The following ANKRD33B variants were observed in gnomAD, a reference collection of about 807,000 sequenced individuals.
The protein encoded by ANKRD33B is ankyrin repeat domain 33B, also known as ankyrin repeat domain-containing protein 33B.
Under a neutral mutation model 21.5 loss-of-function variants are expected in ANKRD33B, and 6 were observed. The ratio of observed to expected loss-of-function variants is 0.28; its 90% CI spans 0.15 to 0.55. The LOEUF (loss-of-function observed/expected upper bound fraction) is 0.55. Among genes scored for constraint, ANKRD33B ranks in the 20% least tolerant of loss-of-function variants. The probability of loss-of-function intolerance (pLI) is 0.94; values close to 1 mark genes in which losing one functional copy is unlikely to be tolerated. For synonymous variants in ANKRD33B, 347 were observed against 342.4 expected, an observed-to-expected ratio of 1.01 and a Z score of -0.15; for missense variants, 698 against 747.2, an observed-to-expected ratio of 0.93 and a Z score of 0.77.
chr5:10,603,243 C>T (rs1735970284), intron 1 of ANKRD33B, among the ~76,000 whole-genome samples: 1 of 151,924 alleles, frequency 6.6e-6, no homozygotes, highest in Admixed American at 6.6e-5. Flanking sequence ...GAAGCTTCAT[C>T]AGAATTTTTT....
intron 1 of ANKRD33B, among the ~76,000 whole-genome samples, chr5:10,587,882 G>A (rs1735602090): frequency 1.3e-5 from 2 of 152,134 alleles, no homozygotes; most frequent in Non-Finnish European, 1.5e-5. Context: ...GAAATTTTTT[G>A]TGATATAAAT....
chr5:10,622,511 T>C (rs888977709), intron 2 of ANKRD33B, among the ~76,000 whole-genome samples: 1 of 152,244 alleles, frequency 6.6e-6, no homozygotes, highest in Non-Finnish European at 1.5e-5. Flanking sequence ...ATGCAGTCTC[T>C]CCAGATTTCA....
intron 3 of ANKRD33B, among the ~76,000 whole-genome samples, chr5:10,640,983 C>G (rs559988534): frequency 9.2e-5 from 14 of 152,294 alleles, no homozygotes; most frequent in East Asian, 5.8e-4. Context: ...CTAATCACCC[C>G]CTAAAGGCCT....
At chr5:10,636,025 C>T (rs1736852754) in intron 2 of ANKRD33B, among the ~76,000 whole-genome samples, 1 of 152,210 alleles carries the variant, frequency 6.6e-6, no homozygotes, top group Non-Finnish European at 1.5e-5. Context: ...CTCATGCCTG[C>T]CCGACCCCAG....
At chr5:10,621,520 C>A (rs754360737) in intron 2 of ANKRD33B, among the ~76,000 whole-genome samples, 1 of 152,134 alleles carries the variant, frequency 6.6e-6, no homozygotes, top group Non-Finnish European at 1.5e-5. Context: ...TCCTGTCCTA[C>A]GACAAATGTG....
rs142859812 is a variant in ANKRD33B at position 10,575,844 on chromosome 5, G to A, written c.366+11011G>A. On this transcript the variant is annotated intron_variant, in intron 1 of 3. Coordinates refer to ENST00000296657, the MANE Select transcript of ANKRD33B (RefSeq NM_001164440.2). ...GAACTGATCAGAGGCTGCTGGGGCC[G>A]AGCGTGGGGAGGGGAGAAGTGTTAC... is the stretch of plus-strand genomic sequence containing the variant. Among the ~76,000 whole-genome samples, 72 of 152,286 alleles carry A rather than the reference G, an allele frequency of 4.7e-4. 1 individual carries two copies. In the South Asian group the frequency reaches 5.8e-3, roughly 12 times the overall value.
rs1171273635 is a variant in ANKRD33B at position 10,564,847 on chromosome 5, C to G, written c.366+14C>G. On this transcript the variant is annotated intron_variant, in intron 1 of 3. Coordinates refer to ENST00000296657, the MANE Select transcript of ANKRD33B (RefSeq NM_001164440.2). ...CGCAACGGCAGGGTAAGCGGGCGTC[C>G]CCGCAGGATTTGAGCCCCCTCACTG... 1 of 1,484,436 alleles carries G rather than the reference C, an allele frequency of 6.7e-7. No individual in the cohort carries two copies. Among genetic ancestry groups the G allele is most frequent in the African/African-American group, 1.4e-5 (1 of 71,902 alleles). The allele number at this position is 1,484,436 out of a possible 1,614,324, so 92.0% of individuals were successfully genotyped here.
chr5:10,640,931 A>G (rs895348208), intron 3 of ANKRD33B, among the ~76,000 whole-genome samples: 1 of 152,216 alleles, frequency 6.6e-6, no homozygotes, highest in Non-Finnish European at 1.5e-5. Flanking sequence ...ACCCTCTTTC[A>G]TAAGGCACTA....
chr5:10,627,318 C>T (rs1736575210), intron 2 of ANKRD33B: 1 of 152,218 alleles, frequency 6.6e-6, no homozygotes, highest in Admixed American at 6.5e-5. Flanking sequence ...ATAGCATGGA[C>T]GTGGTAAAGT....
rs548782542 is a variant in ANKRD33B at position 10,619,607 on chromosome 5, C to T, written c.496+1145C>T. On this transcript the variant is annotated intron_variant, in intron 2 of 3. Transcript: ENST00000296657. The surrounding 1 kb of genome is among the most constrained non-coding windows in gnomAD (Gnocchi z 4.5). ...GAATAGAGTGGGGGAACTCTTCAAACTTAGAAAGGGCCAGGGGCTGTGCTA... is the reference window on the plus strand; with the variant it reads ...GAATAGAGTGGGGGAACTCTTCAAATTTAGAAAGGGCCAGGGGCTGTGCTA... Among the ~76,000 whole-genome samples the T allele has an allele frequency of 1.2e-4, 19 of 152,284 alleles. No individual in the cohort carries two copies. Among genetic ancestry groups the T allele is most frequent in the African/African-American group, 4.6e-4 (19 of 41,536 alleles).
intron 2 of ANKRD33B, among the ~76,000 whole-genome samples, chr5:10,636,142 G>A (rs900530): frequency 0.42 from 64,455 of 152,116 alleles, 13,909 homozygotes; most frequent in Middle Eastern, 0.56. Context: ...CCCAGGGCCC[G>A]GCTTCTCCAT....
chr5:10,627,976 G>C (rs981092728), intron 2 of ANKRD33B: 1 of 152,184 alleles, frequency 6.6e-6, no homozygotes, highest in Non-Finnish European at 1.5e-5. Context: ...TACTAACCCT[G>C]CCCCTCCATC....
At chr5:10,648,072 C>A (rs1737230581) in intron 3 of ANKRD33B, among the ~76,000 whole-genome samples, 1 of 152,216 alleles carries the variant, frequency 6.6e-6, no homozygotes, top group African/African-American at 2.4e-5. Flanking sequence ...TAGACCCTCT[C>A]TCTGTTACTA....
intron 3 of ANKRD33B, among the ~76,000 whole-genome samples, chr5:10,647,047 C>T (rs143045768): frequency 6.6e-6 from 1 of 152,294 alleles, no homozygotes; most frequent in African/African-American, 2.4e-5. Context: ...AGATAATTGC[C>T]CTAGTTCTCC....
Position 10,649,988 on chromosome 5 carries a change from C to T in ANKRD33B, c.1360C>T (p.Gln454Ter). 1 of 1,533,592 alleles carries T rather than the reference C, an allele frequency of 6.5e-7. No homozygotes were observed. Among genetic ancestry groups the T allele is most frequent in the Non-Finnish European group, 8.7e-7 (1 of 1,144,900 alleles). 95.0% of individuals were successfully genotyped at this position (1,533,592 alleles called of 1,614,324 possible). A position where few individuals can be genotyped will look rare whatever the true frequency, so the allele number is the denominator to read the frequency against. Residue 454 changes from glutamine to a stop codon, truncating the protein, a stop_gained, in exon 4 of 4, where the codon CAG (glutamine) becomes TAG (stop). Transcript: ENST00000296657. LOFTEE classifies it high-confidence loss of function. ...CAGCACCAAGGACAGCGGCCACCTGCAGATCCCCAAGTGGCGGTACAAGGA... is the reference window on the plus strand; with the variant it reads ...CAGCACCAAGGACAGCGGCCACCTGTAGATCCCCAAGTGGCGGTACAAGGA... ...KGSTKDSGHL[Q>*]IPKWRYKEAK...
intron 1 of ANKRD33B, among the ~76,000 whole-genome samples, chr5:10,611,044 A>AAAAT (rs1046526832): frequency 9.2e-5 from 14 of 152,108 alleles, no homozygotes; most frequent in Non-Finnish European, 1.5e-4. Context: ...ACTCCTTCTC[A>AAAAT]AAATAAATAA....
At chr5:10,579,944 T>G (rs1330734587) in intron 1 of ANKRD33B, among the ~76,000 whole-genome samples, 1 of 152,208 alleles carries the variant, frequency 6.6e-6, no homozygotes, top group Non-Finnish European at 1.5e-5. Context: ...TTTCATCAAT[T>G]CAGAAAGAAC....
In ANKRD33B at chr5:10,649,595, G is replaced by A; in HGVS notation, c.967G>A (p.Val323Met). The A allele has an allele frequency of 1.3e-6, 2 of 1,529,224 alleles. No individual in the cohort carries two copies. The highest frequency in any genetic ancestry group is 1.2e-5 in the South Asian group (1 of 83,736). 94.7% of individuals were successfully genotyped at this position (1,529,224 alleles called of 1,614,324 possible). The change falls in exon 4 of 4, where the codon GTG becomes ATG. Residue 323 changes from valine to methionine, a missense_variant. Physicochemically the swap from Val to Met is conservative, Grantham distance 21. This residue lies in a region of ANKRD33B where 543 missense variants were observed against 566.5 expected (regional missense o/e 0.96). Transcript: ENST00000296657. ...TSLYSPAVAI[V>M]CQTVCPESPP... ...CCTCTACAGCCCCGCCGTGGCCATC[G>A]TGTGCCAGACCGTGTGCCCTGAGAG...
chr5:10,640,926 C>G (rs1430145396), intron 3 of ANKRD33B, among the ~76,000 whole-genome samples: 4 of 152,238 alleles, frequency 2.6e-5, no homozygotes. Flanking sequence ...CTCAAACCCT[C>G]TTTCATAAGG....
Sources: gnomAD v4.1 joint callset for allele counts (sites outside exome capture counted in the v4.1 genomes callset) on GRCh38, gnomAD v4.1.1 for gene constraint, gnomAD v4.1.1 regional missense constraint, Gnocchi (gnomAD v3.1) non-coding constraint, MANE v1.5 for transcripts, NCBI Gene and HGNC (gene_info 2026-07-23, HGNC 2026-07-21) for gene names.